CD9: variants seen among roughly 807,000 people sequenced by gnomAD.
The protein encoded by CD9 is CD9 antigen.
A neutral mutation model predicts 31.4 loss-of-function variants in CD9; 10 were observed. The ratio of observed to expected loss-of-function variants is 0.32; its 90% CI spans 0.20 to 0.54. The LOEUF (loss-of-function observed/expected upper bound fraction) is 0.54. Ranked by LOEUF, CD9 falls within the 20% of genes least tolerant of loss-of-function variation. The pLI, the probability that CD9 is intolerant of heterozygous loss-of-function variation, is 0.94. For synonymous variants in CD9, 113 were observed against 114.1 expected (o/e 0.99, Z 0.06); for missense variants, 259 against 300.1 (o/e 0.86, Z 1.01).
intron 1 of CD9, among the ~76,000 whole-genome samples, chr12:6,202,416 C>T (rs912443526): frequency 6.6e-6 from 1 of 152,234 alleles, no homozygotes. Flanking sequence ...CTCACCCACC[C>T]TTGAACTTTG....
At chr12:6,222,151 A>G (rs1946299512) in intron 1 of CD9, among the ~76,000 whole-genome samples, 1 of 152,174 alleles carries the variant, frequency 6.6e-6, no homozygotes, top group Admixed American at 6.5e-5. Context: ...CTGGTTATAC[A>G]AGTTTTGTGA....
Position 6,235,542 on chromosome 12 carries a change from G to T in CD9, c.514G>T (p.Val172Leu). ...FISDICPKKD[V>L]LETFTVKSCP... ...CTCAGACATCTGCCCCAAGAAGGAC[G>T]TACTCGAAACCTTCACCGTGAAGGT... The change falls in exon 6 of 8, where the codon GTA becomes TTA. Residue 172 changes from valine (V) to leucine (L), a missense_variant. Val to Leu is a conservative substitution (Grantham distance 32). Coordinates refer to ENST00000009180, the MANE Select transcript of CD9 (RefSeq NM_001769.4). The T allele has an allele frequency of 2.5e-6, 4 of 1,613,414 alleles. No individual in the cohort carries two copies. The highest frequency in any genetic ancestry group is 1.1e-5 in the South Asian group (1 of 91,012).
chr12:6,232,657 C>A lies in CD9; in HGVS notation c.201C>A (p.Gly67=). Residue 67 remains glycine (G), a synonymous_variant, in exon 3 of 8, where the codon GGC becomes GGA. Transcript: ENST00000009180. This position sits in a 1 kb window ranked among gnomAD's most constrained non-coding sequence, Gnocchi z 4.8. The part of the protein sequence containing the change: ...YTGVYILIGA[G]ALMMLVGFLG... The stretch of plus-strand genomic sequence containing the variant: ...GAGTCTATATTCTGATCGGAGCCGG[C>A]GCCCTCATGATGCTGGTGGGCTTCC... 2 of 1,579,182 alleles carry A rather than the reference C, an allele frequency of 1.3e-6. No individual in the cohort carries two copies. The highest frequency in any genetic ancestry group is 1.7e-6 in the Non-Finnish European group (2 of 1,164,952).
At chr12:6,225,704 G>C in intron 2 of CD9, 170 bp downstream of exon 2, 1 of 592,448 alleles carries the variant, frequency 1.7e-6, no homozygotes, top group Non-Finnish European at 3.0e-6. Flanking sequence ...GTGTGTCGTT[G>C]TGCCTGGGAA....
Position 6,236,985 on chromosome 12 carries a change from T to C in CD9, c.621+710T>C, listed in dbSNP as rs181056776. 1.6e-3 allele frequency among the ~76,000 whole-genome samples: 251 copies of C among 152,374 alleles called. 1 individual carries two copies. Among genetic ancestry groups the C allele is most frequent in the Middle Eastern group, 3.4e-3 (1 of 294 alleles). ...GACAATACCTTCTTTTTTTTCTTTT[T>C]TTCTTTTTTTGAGACGAAGTTTCAC... On this transcript the variant is annotated intron_variant, in intron 7 of 7. Coordinates refer to ENST00000009180, the MANE Select transcript of CD9 (RefSeq NM_001769.4).
chr12:6,211,855 G>C (rs1038898056), intron 1 of CD9, among the ~76,000 whole-genome samples: 5 of 152,126 alleles, frequency 3.3e-5, no homozygotes, highest in Admixed American at 1.3e-4. Flanking sequence ...TTAGAAAGAG[G>C]TTACCTTGGG....
chr12:6,235,374 T>C, intron 5 of CD9, 47 bp downstream of exon 5: 3 of 1,614,172 alleles, frequency 1.9e-6, no homozygotes, highest in Non-Finnish European at 2.5e-6. Flanking sequence ...CTCCGGATTG[T>C]GTCTGCACAC....
intron 2 of CD9, among the ~76,000 whole-genome samples, chr12:6,231,115 C>A (rs1261358366): frequency 6.6e-6 from 1 of 152,156 alleles, no homozygotes; most frequent in African/African-American, 2.4e-5. Flanking sequence ...CTTTCTCTCT[C>A]GCGTGCGTGT....
intron 1 of CD9, among the ~76,000 whole-genome samples, chr12:6,211,679 G>A (rs567169848): frequency 6.6e-6 from 1 of 152,280 alleles, no homozygotes; most frequent in South Asian, 2.1e-4. Flanking sequence ...ACAAATGTGT[G>A]GTATTCTGGA....
At chr12:6,216,661 T>A (rs1946245579) in intron 1 of CD9, among the ~76,000 whole-genome samples, 1 of 152,204 alleles carries the variant, frequency 6.6e-6, no homozygotes, top group African/African-American at 2.4e-5. Flanking sequence ...CCAGTCTTAG[T>A]GGAGCTCTGG....
chr12:6,208,972 TTTG>T (rs1425577886), intron 1 of CD9, among the ~76,000 whole-genome samples: 1 of 152,040 alleles, frequency 6.6e-6, no homozygotes, highest in Non-Finnish European at 1.5e-5. Context: ...CATTGCTTTT[TTTG>T]TTGTTTGTTT....
chr12:6,219,393 AG>A (rs1230200709), intron 1 of CD9, among the ~76,000 whole-genome samples: 5 of 152,226 alleles, frequency 3.3e-5, no homozygotes, highest in Non-Finnish European at 7.3e-5. Flanking sequence ...ACCAACAGAA[AG>A]GGAAATTGTT....
intron 1 of CD9, among the ~76,000 whole-genome samples, chr12:6,214,135 G>A (rs1946219358): frequency 1.3e-5 from 2 of 152,078 alleles, no homozygotes; most frequent in African/African-American, 2.4e-5. Context: ...TCCTGGCTGT[G>A]TCTTTTTGAG....
chr12:6,228,090 C>G (rs1011529218), intron 2 of CD9, among the ~76,000 whole-genome samples: 1 of 152,218 alleles, frequency 6.6e-6, no homozygotes, highest in Admixed American at 6.5e-5. Flanking sequence ...TAGTTGGGGT[C>G]TAAGGGCCAC....
chr12:6,203,901 C>T (rs1946101294), intron 1 of CD9, among the ~76,000 whole-genome samples: 1 of 152,124 alleles, frequency 6.6e-6, no homozygotes. Flanking sequence ...CTGACAGAGC[C>T]CAATCCCCTC....
At chr12:6,205,438 G>A (rs1386436226) in intron 1 of CD9, among the ~76,000 whole-genome samples, 1 of 152,160 alleles carries the variant, frequency 6.6e-6, no homozygotes, top group Admixed American at 6.5e-5. Context: ...GCTCCAGCCC[G>A]AATTTGGGAG....
At chr12:6,233,074 C>T (rs530059915) in intron 3 of CD9, 19 of 702,160 alleles carry the variant, frequency 2.7e-5, no homozygotes, top group African/African-American at 2.4e-4. Context: ...GGAGTGGATT[C>T]GCTCCCTTTA....
intron 1 of CD9, among the ~76,000 whole-genome samples, chr12:6,213,348 C>T (rs772423679): frequency 3.3e-5 from 5 of 152,328 alleles, no homozygotes; most frequent in South Asian, 2.1e-4. Context: ...AATTGGAGGA[C>T]GTATCTTTCC....
At chr12:6,229,249 C>G (rs1183042274) in intron 2 of CD9, among the ~76,000 whole-genome samples, 1 of 152,190 alleles carries the variant, frequency 6.6e-6, no homozygotes, top group Admixed American at 6.5e-5. Flanking sequence ...GTGAATGCCC[C>G]CCCTTCCTCG....
Sources: allele counts gnomAD v4.1 joint callset (sites outside exome capture counted in the v4.1 genomes callset), GRCh38; gene constraint gnomAD v4.1.1; non-coding constraint Gnocchi (gnomAD v3.1); transcripts MANE v1.5; gene names NCBI Gene and HGNC (gene_info 2026-07-23, HGNC 2026-07-21).